The following SGIP1 variants were observed in gnomAD, a reference collection of about 807,000 sequenced individuals.
SGIP1 encodes SH3GL interacting endocytic adaptor 1.
In SGIP1, 38 loss-of-function variants were observed where a neutral mutation model predicts 107.5. That is an observed-to-expected ratio of 0.35 (90% confidence interval 0.27 to 0.46). SGIP1 has a LOEUF of 0.46. Ranked by LOEUF, SGIP1 falls within the 20% of genes least tolerant of loss-of-function variation. The pLI, the probability that SGIP1 is intolerant of heterozygous loss-of-function variation, is 1.00. For missense variants in SGIP1, 929 were observed against 1,019.5 expected (o/e 0.91, Z 1.21); for synonymous variants, 365 against 366.1 (o/e 1.00, Z 0.03).
intron 19 of SGIP1, among the ~76,000 whole-genome samples, chr1:66,724,516 G>A (rs678499): frequency 0.83 from 126,174 of 152,126 alleles, 52,429 homozygotes; most frequent in Middle Eastern, 0.86. Flanking sequence ...GGCTCTGACA[G>A]TTGTGATGCT....
chr1:66,570,276 T>C (rs1472203072), intron 1 of SGIP1, among the ~76,000 whole-genome samples: 1 of 151,918 alleles, frequency 6.6e-6, no homozygotes, highest in Non-Finnish European at 1.5e-5. Context: ...TAGGAACTTT[T>C]TGAAACTTCC....
At chr1:66,726,588 A>C (rs2181625) in intron 19 of SGIP1, among the ~76,000 whole-genome samples, 1 of 152,040 alleles carries the variant, frequency 6.6e-6, no homozygotes, top group Admixed American at 6.5e-5. Context: ...ACTCACACAG[A>C]TAAGGGCAAT....
intron 21 of SGIP1, 136 bp from the exon 22 acceptor site, chr1:66,739,199 C>A: frequency 1.1e-6 from 1 of 899,356 alleles, no homozygotes. Context: ...AAGCACCCAG[C>A]TCTCTCACAG....
chr1:66,742,174 C>T (rs962697433), intron 24 of SGIP1, among the ~76,000 whole-genome samples: 2 of 152,130 alleles, frequency 1.3e-5, no homozygotes, highest in African/African-American at 2.4e-5. Context: ...CTATTTTTCA[C>T]TTTAATAACA....
chr1:66,593,966 T>C (rs12079953), intron 1 of SGIP1, among the ~76,000 whole-genome samples: 7,743 of 152,258 alleles, frequency 0.051, 602 homozygotes, highest in African/African-American at 0.17. Context: ...CCGATTAGCA[T>C]TGAATGTTTC....
rs147493623 is a variant in SGIP1, at chr1:66,537,028, C to G, written c.10+2660C>G. 1.2e-4 allele frequency among the ~76,000 whole-genome samples: 18 copies of G among 152,258 alleles called. No individual in the cohort carries two copies. The East Asian group carries it at 3.5e-3, about 29-fold the overall frequency. Reference sequence around the variant, plus strand: ...GATATAGGCTCCATTCATTCAATGCCTATTGGAAATCCATCCAATCATAGA... The same window carrying G: ...GATATAGGCTCCATTCATTCAATGCGTATTGGAAATCCATCCAATCATAGA... On this transcript the variant is annotated intron_variant, in intron 1 of 24. Coordinates refer to ENST00000371037, the MANE Select transcript of SGIP1 (RefSeq NM_032291.4).
chr1:66,661,309 C>A (rs1236379719), intron 8 of SGIP1, among the ~76,000 whole-genome samples: 1 of 152,190 alleles, frequency 6.6e-6, no homozygotes, highest in East Asian at 1.9e-4. Context: ...ATGTTCACAG[C>A]ACCAACAAGT....
At chr1:66,586,037 T>C (rs2062563849) in intron 1 of SGIP1, among the ~76,000 whole-genome samples, 1 of 152,240 alleles carries the variant, frequency 6.6e-6, no homozygotes, top group South Asian at 2.1e-4. Flanking sequence ...TCTGCAGCTC[T>C]ATTGTTTAGT....
At chr1:66,679,817 T>C (rs2086262603) in intron 14 of SGIP1, 65 bp downstream of exon 14, 3 of 1,391,554 alleles carry the variant, frequency 2.2e-6, no homozygotes, top group South Asian at 2.9e-5. Context: ...CGGATGAACA[T>C]GCCCTTGATG....
intron 1 of SGIP1, among the ~76,000 whole-genome samples, chr1:66,571,149 A>C (rs540927350): frequency 6.6e-6 from 1 of 152,050 alleles, no homozygotes; most frequent in Non-Finnish European, 1.5e-5. Context: ...ACTACAAGTT[A>C]TAGGAAACAG....
chr1:66,635,863 C>T lies in SGIP1; in HGVS notation c.100-81C>T, dbSNP rs371355096. ...TTCTTCTATGGTATGTTTGCTGACT[C>T]CATGTAATTCTTTATATGTGTCTTG... On this transcript the variant is annotated intron_variant, in intron 3 of 24. Transcript: ENST00000371037. The T allele has an allele frequency of 2.2e-6, 3 of 1,392,598 alleles. No individual in the cohort carries two copies. In the East Asian group the frequency reaches 6.9e-5, roughly 32 times the overall value. 86.3% of individuals were successfully genotyped at this position (1,392,598 alleles called of 1,614,324 possible).
At position 66,746,714 on chromosome 1, in the gene SGIP1, G is replaced by A. The variant is rs1232030481; in HGVS notation, c.*3619G>A. The A allele has an allele frequency of 6.6e-6, 1 of 152,070 alleles. No individual in the cohort carries two copies. Among genetic ancestry groups the A allele is most frequent in the Non-Finnish European group, 1.5e-5 (1 of 67,944 alleles). The allele number at this position is 152,070 out of a possible 1,614,324, so 9.4% of individuals were successfully genotyped here. ...CCCCAAAATGACACGGCAGCTGAAA[G>A]TAACCCAGCTATTCTGACTGCAAAG... On this transcript the variant is annotated 3_prime_UTR_variant, in exon 25 of 25. Coordinates refer to ENST00000371037, the MANE Select transcript of SGIP1 (RefSeq NM_032291.4).
rs907449940 is a variant in SGIP1, at chr1:66,617,041, A to G, written c.11-8806A>G. Among the ~76,000 whole-genome samples, 6 of 152,240 alleles carry G rather than the reference A, an allele frequency of 3.9e-5. No homozygotes were observed. In the South Asian group the frequency reaches 6.2e-4, roughly 16 times the overall value. On this transcript the variant is annotated intron_variant, in intron 1 of 24. Coordinates refer to ENST00000371037, the MANE Select transcript of SGIP1 (RefSeq NM_032291.4). ...ATTATCTTGTAAAGAGGTTTTGTGC[A>G]TACTTAGTACAGAGATCACCTGGAT...
chr1:66,739,021 G>C lies in SGIP1; in HGVS notation c.2032-314G>C, dbSNP rs141183551. Among the ~76,000 whole-genome samples the C allele has an allele frequency of 3.0e-3, 453 of 152,196 alleles. 3 individuals carry two copies. The highest frequency in any genetic ancestry group is 0.01 in the African/African-American group (432 of 41,514). ...CAAGATCACTCAGCTTGTAAGTAGA[G>C]TTGCAGAATCAGAACTCACACCTGG... On this transcript the variant is annotated intron_variant, in intron 21 of 24. Coordinates refer to ENST00000371037, the MANE Select transcript of SGIP1 (RefSeq NM_032291.4).
At chr1:66,605,984 T>C (rs1404855274) in intron 1 of SGIP1, among the ~76,000 whole-genome samples, 1 of 152,182 alleles carries the variant, frequency 6.6e-6, no homozygotes, top group African/African-American at 2.4e-5. Flanking sequence ...AGTCACCTTT[T>C]TTCTCCCTCC....
intron 7 of SGIP1, among the ~76,000 whole-genome samples, chr1:66,648,830 C>G (rs1341473576): frequency 1.3e-5 from 2 of 152,148 alleles, no homozygotes; most frequent in Non-Finnish European, 2.9e-5. Context: ...TGTCCTGGGC[C>G]CCAGCCCAGG....
At chr1:66,621,753 T>A (rs2071197744) in intron 1 of SGIP1, among the ~76,000 whole-genome samples, 1 of 152,250 alleles carries the variant, frequency 6.6e-6, no homozygotes, top group Admixed American at 6.5e-5. Flanking sequence ...TCAAGGTTCA[T>A]TCACGTTGCA....
At chr1:66,567,857 G>T (rs558012755) in intron 1 of SGIP1, among the ~76,000 whole-genome samples, 3 of 152,132 alleles carry the variant, frequency 2.0e-5, no homozygotes, top group Non-Finnish European at 4.4e-5. Context: ...TGTTCACTTG[G>T]TCTACATGTC....
intron 1 of SGIP1, among the ~76,000 whole-genome samples, chr1:66,623,646 T>C (rs1200657287): frequency 6.6e-6 from 1 of 152,196 alleles, no homozygotes; most frequent in Admixed American, 6.5e-5. Context: ...TATGTATAAG[T>C]GTATTTCATG....
Sources: allele counts gnomAD v4.1 joint callset (sites outside exome capture counted in the v4.1 genomes callset), GRCh38; gene constraint gnomAD v4.1.1; transcripts MANE v1.5; gene names NCBI Gene and HGNC (gene_info 2026-07-23, HGNC 2026-07-21).